The following PAN3 variants were observed in gnomAD, a reference collection of about 807,000 sequenced individuals.
PAN3 encodes PAN2-PAN3 deadenylation complex subunit PAN3.
A neutral mutation model predicts 96.2 loss-of-function variants in PAN3; 19 were observed. That is an observed-to-expected ratio of 0.20 (90% CI 0.14 to 0.29). The LOEUF (loss-of-function observed/expected upper bound fraction) is 0.29. Ranked by LOEUF, PAN3 falls within the 10% of genes least tolerant of loss-of-function variation. The pLI is 1.00. For missense variants in PAN3, 882 were observed against 1,108.1 expected (o/e 0.80, Z 2.90); for synonymous variants, 433 against 406.6 (o/e 1.06, Z -0.78).
chr13:28,227,618 TAG>T (rs1393839958), intron 6 of PAN3, among the ~76,000 whole-genome samples: 2 of 152,316 alleles, frequency 1.3e-5, no homozygotes, highest in East Asian at 3.9e-4. Flanking sequence ...AAGGTAATAG[TAG>T]ATGATTTTAA....
intron 1 of PAN3, among the ~76,000 whole-genome samples, chr13:28,156,112 C>T (rs1462035606): frequency 6.6e-6 from 1 of 152,030 alleles, no homozygotes; most frequent in Non-Finnish European, 1.5e-5. Flanking sequence ...TACAAAAGAT[C>T]AGTGAAAAGA....
chr13:28,272,150 G>T (rs534098625), intron 14 of PAN3, 79 bp downstream of exon 14: 9 of 1,014,638 alleles, frequency 8.9e-6, no homozygotes, highest in Non-Finnish European at 1.3e-5. Flanking sequence ...GTATTTCAGT[G>T]TTTTAAGCCT....
chr13:28,178,036 CT>C (rs1273112294), intron 4 of PAN3, 101 bp downstream of exon 4: 13 of 997,236 alleles, frequency 1.3e-5, no homozygotes, highest in Non-Finnish European at 1.5e-6. Context: ...GGAGGGAGAG[CT>C]TTTTATGGGC....
chr13:28,178,522 G>A (rs1875346371), intron 4 of PAN3, among the ~76,000 whole-genome samples: 1 of 152,070 alleles, frequency 6.6e-6, no homozygotes, highest in Non-Finnish European at 1.5e-5. Context: ...GAGTCTTAAT[G>A]AGAATCTTGT....
intron 5 of PAN3, among the ~76,000 whole-genome samples, chr13:28,212,638 A>G (rs372730963): frequency 6.6e-6 from 1 of 152,238 alleles, no homozygotes; most frequent in African/African-American, 2.4e-5. Flanking sequence ...GGAGTGAAAC[A>G]TATATACATA....
In PAN3 at chr13:28,184,501, G is replaced by A. The variant is rs115218462; in HGVS notation, c.690+6566G>A. Reference sequence around the variant, plus strand: ...TATGGAGAGGAGGAGATAAAACATCGTTTAACCTTATGCCTGCTTCTTTTT... The same window carrying A: ...TATGGAGAGGAGGAGATAAAACATCATTTAACCTTATGCCTGCTTCTTTTT... On this transcript the variant is annotated intron_variant, in intron 4 of 18. Transcript: ENST00000380958. Among the ~76,000 whole-genome samples the A allele has an allele frequency of 8.3e-3, 1,256 of 152,174 alleles. 25 individuals carry two copies. The highest frequency in any genetic ancestry group is 0.029 in the African/African-American group (1,188 of 41,548).
At chr13:28,186,897 A>G (rs1415592419) in intron 4 of PAN3, among the ~76,000 whole-genome samples, 1 of 152,194 alleles carries the variant, frequency 6.6e-6, no homozygotes, top group Non-Finnish European at 1.5e-5. Context: ...ATAGATTATC[A>G]TGGAAATAAC....
At chr13:28,213,387 A>C (rs946281079) in intron 5 of PAN3, among the ~76,000 whole-genome samples, 3 of 152,150 alleles carry the variant, frequency 2.0e-5, no homozygotes, top group Non-Finnish European at 2.9e-5. Context: ...CTGATTTCTC[A>C]CTGGAAATAA....
At chr13:28,278,866 T>G (rs45601638) in intron 15 of PAN3, among the ~76,000 whole-genome samples, 9 of 152,202 alleles carry the variant, frequency 5.9e-5, no homozygotes, top group African/African-American at 1.9e-4. Flanking sequence ...AGATATAGTT[T>G]ATTCACATGG....
At chr13:28,154,996 ATTT>A (rs750522409) in intron 1 of PAN3, among the ~76,000 whole-genome samples, 109 of 133,022 alleles carry the variant, frequency 8.2e-4, no homozygotes, top group Non-Finnish European at 1.6e-3. Flanking sequence ...AATTTTTTGT[ATTT>A]TTTTTTTTTT....
chr13:28,227,535 T>G (rs1173915429), intron 6 of PAN3, among the ~76,000 whole-genome samples: 2 of 152,150 alleles, frequency 1.3e-5, no homozygotes, highest in Non-Finnish European at 2.9e-5. Context: ...ATGGTACCAG[T>G]TCTACTGAAG....
intron 4 of PAN3, among the ~76,000 whole-genome samples, chr13:28,180,741 T>C (rs1875661230): frequency 6.6e-6 from 1 of 152,210 alleles, no homozygotes; most frequent in Non-Finnish European, 1.5e-5. Context: ...CTGAGCCAGA[T>C]ATGCTAACTT....
intron 5 of PAN3, among the ~76,000 whole-genome samples, chr13:28,201,873 G>A (rs1878745542): frequency 6.6e-6 from 1 of 152,070 alleles, no homozygotes; most frequent in Non-Finnish European, 1.5e-5. Context: ...TTGCATGTGG[G>A]TAAATATGCC....
rs945319750 is a variant in PAN3, at chr13:28,294,279, T to A, written c.*1757T>A. ...TAATTCACATTTGCCACCATAATGT[T>A]CTTTTTTATGTAAAAAGAAGAACTT... On this transcript the variant is annotated 3_prime_UTR_variant, in exon 19 of 19. Transcript: ENST00000380958. 6.5e-6 allele frequency: 1 copy of A among 152,676 alleles called. No homozygotes were observed. Among genetic ancestry groups the A allele is most frequent in the African/African-American group, 2.4e-5 (1 of 41,470 alleles). 9.5% of individuals were successfully genotyped at this position (152,676 alleles called of 1,614,324 possible).
chr13:28,179,104 T>C (rs913734211), intron 4 of PAN3, among the ~76,000 whole-genome samples: 1 of 152,234 alleles, frequency 6.6e-6, no homozygotes, highest in African/African-American at 2.4e-5. Context: ...GCAACTAGAA[T>C]TGATAGACTA....
In PAN3 at chr13:28,208,427, T is replaced by C. The variant is rs551446426; in HGVS notation, c.852+11081T>C. 2.6e-5 allele frequency among the ~76,000 whole-genome samples: 4 copies of C among 152,318 alleles called. No individual in the cohort carries two copies. In the South Asian group the frequency reaches 8.3e-4, roughly 32 times the overall value. The stretch of plus-strand genomic sequence containing the variant: ...GGTATGCCCTGTGATTATGAATTAT[T>C]ACTGTTATTGGAGCACTTTTACATG... On this transcript the variant is annotated intron_variant, in intron 5 of 18. Transcript: ENST00000380958.
At chr13:28,239,002 A>C (rs983132535) in intron 6 of PAN3, among the ~76,000 whole-genome samples, 1 of 152,152 alleles carries the variant, frequency 6.6e-6, no homozygotes, top group Non-Finnish European at 1.5e-5. Flanking sequence ...TTGATTCAGA[A>C]TATTTTATTT....
intron 9 of PAN3, among the ~76,000 whole-genome samples, chr13:28,266,391 C>T (rs1886179764): frequency 1.3e-5 from 2 of 151,956 alleles, no homozygotes; most frequent in South Asian, 4.1e-4. Flanking sequence ...ATGTTTGCTC[C>T]AGAAAAATTT....
chr13:28,279,628 C>T (rs1269415332), intron 15 of PAN3, among the ~76,000 whole-genome samples: 13 of 151,262 alleles, frequency 8.6e-5, no homozygotes, highest in East Asian at 4.0e-4. Flanking sequence ...GGCTTGGTGG[C>T]GCACGCCTGT....
Sources: gnomAD v4.1 joint callset for allele counts (sites outside exome capture counted in the v4.1 genomes callset) on GRCh38, gnomAD v4.1.1 for gene constraint, MANE v1.5 for transcripts, NCBI Gene and HGNC (gene_info 2026-07-23, HGNC 2026-07-21) for gene names.